MYH13: variants seen among roughly 807,000 people sequenced by gnomAD.
MYH13 encodes the protein myosin heavy chain 13.
MYH13 carries 177 observed loss-of-function variants against 232.1 expected under a neutral mutation model. The ratio of observed to expected loss-of-function variants is 0.76; its 90% CI spans 0.67 to 0.86. MYH13 has a LOEUF of 0.86. Ranked by LOEUF, MYH13 falls within the 40% of genes least tolerant of loss-of-function variation. The pLI is 0.00. For synonymous variants in MYH13, 884 were observed against 923.5 expected, an observed-to-expected ratio of 0.96 and a Z score of 0.78; for missense variants, 2,246 against 2,405.9, an observed-to-expected ratio of 0.93 and a Z score of 1.39.
At chr17:10,357,653 TTA>T in intron 8 of MYH13, 80 bp downstream of exon 8, 1 of 1,293,714 alleles carries the variant, frequency 7.7e-7, no homozygotes, top group Non-Finnish European at 1.1e-6. Context: ...ATATTCCAGT[TTA>T]TGGGGCAGTT....
chr17:10,316,011 T>C lies in MYH13; in HGVS notation c.3753A>G (p.Arg1251=). The C allele has an allele frequency of 6.2e-7, 1 of 1,614,058 alleles. No homozygotes were observed. Among genetic ancestry groups the C allele is most frequent in the Non-Finnish European group, 8.5e-7 (1 of 1,179,896 alleles). The part of the protein sequence containing the change: ...ALSKSKSNIE[R]TCRTVEDQFS... ...ATTGATCTTCTACCGTCCGGCACGT[T>C]CTTTCTATGTTACTCTTTAACAAAC... The change falls in exon 28 of 41, where the codon AGA becomes AGG. Residue 1251 remains arginine, a synonymous_variant. Transcript: ENST00000252172.
At chr17:10,316,392 C>T (rs185621266) in intron 27 of MYH13, among the ~76,000 whole-genome samples, 2 of 151,874 alleles carry the variant, frequency 1.3e-5, no homozygotes, top group East Asian at 1.9e-4. Flanking sequence ...ACTCGGGAGG[C>T]GGAGGTTGCA....
intron 16 of MYH13, among the ~76,000 whole-genome samples, chr17:10,343,052 T>G (rs921201665): frequency 7.0e-6 from 1 of 142,634 alleles, no homozygotes; most frequent in Admixed American, 7.3e-5. Context: ...ATTGCACCAC[T>G]GCACTCCAGC....
intron 16 of MYH13, among the ~76,000 whole-genome samples, chr17:10,342,883 G>T (rs2071628906): frequency 1.3e-5 from 2 of 152,022 alleles, no homozygotes. Context: ...AAGGTCAGGA[G>T]ATCGAGACCA....
At position 10,333,204 on chromosome 17, in the gene MYH13, C is replaced by A. The variant is rs189029121; in HGVS notation, c.2057-13G>T. The A allele has an allele frequency of 8.5e-6, 13 of 1,524,448 alleles. No individual in the cohort carries two copies. Among genetic ancestry groups the A allele is most frequent in the East Asian group, 2.5e-5 (1 of 40,736 alleles). The allele number at this position is 1,524,448 out of a possible 1,614,324, so 94.4% of individuals were successfully genotyped here. ...TGGTCCATCACACCTGGAGAGAGAA[C>A]GTCCCGGGGGTGTGCCTGTGACCCC... On this transcript the variant is annotated splice_polypyrimidine_tract_variant and intron_variant, in intron 18 of 40. Transcript: ENST00000252172.
In MYH13 at chr17:10,326,460, T is replaced by C. The variant is rs567397486; in HGVS notation, c.2691+1406A>G. Among the ~76,000 whole-genome samples the C allele has an allele frequency of 7.9e-5, 12 of 151,432 alleles. No homozygotes were observed. In the South Asian group the frequency reaches 2.5e-3, roughly 32 times the overall value. ...TATACTGCCCCATTTCTTTTCTTTT[T>C]CTTTCTTTCTTTCTTTTTTCTTTTT... On this transcript the variant is annotated intron_variant, in intron 22 of 40. Coordinates refer to ENST00000252172, the MANE Select transcript of MYH13 (RefSeq NM_003802.3).
Position 10,350,637 on chromosome 17 carries a change from T to C in MYH13, c.1063A>G (p.Thr355Ala). 2 of 1,613,680 alleles carry C rather than the reference T, an allele frequency of 1.2e-6. No homozygotes were observed. The highest frequency in any genetic ancestry group is 1.1e-5 in the South Asian group (1 of 91,052). The change falls in exon 12 of 41, where the codon ACG becomes GCG. Residue 355 changes from threonine to alanine, a missense_variant. By Grantham distance (58) the Thr-to-Ala change is moderately conservative. Transcript: ENST00000252172. ...TTCCCATAATGCATCACGGCTCCCG[T>C]CAGTTTGTAGATCCCGACTTTCTCC... ...SEEKVGIYKL[T>A]GAVMHYGNMK...
chr17:10,347,406 GACA>G (rs2071674344), intron 12 of MYH13, among the ~76,000 whole-genome samples: 1 of 152,078 alleles, frequency 6.6e-6, no homozygotes, highest in East Asian at 1.9e-4. Flanking sequence ...GTTGGAGTCT[GACA>G]ATACGTTAAA....
intron 22 of MYH13, among the ~76,000 whole-genome samples, chr17:10,326,616 G>A (rs538210200): frequency 9.3e-5 from 14 of 149,912 alleles, no homozygotes; most frequent in South Asian, 8.5e-4. Context: ...CACTACCAGC[G>A]TGTGCCACCA....
At chr17:10,324,913 T>C in intron 22 of MYH13, 1 of 152,392 alleles carries the variant, frequency 6.6e-6, no homozygotes, top group Non-Finnish European at 1.5e-5. Flanking sequence ...ATCCTCACAC[T>C]CCTGTGCTCA....
Position 10,327,982 on chromosome 17 carries a change from C to T in MYH13, c.2575G>A (p.Asp859Asn). 1 of 1,613,998 alleles carries T rather than the reference C, an allele frequency of 6.2e-7. No homozygotes were observed. The highest frequency in any genetic ancestry group is 8.5e-7 in the Non-Finnish European group (1 of 1,179,968). ...AEKEMATMKE[D>N]FERTKEELAR... ...AGTTCTTCCTTGGTCCTCTCAAAGT[C>T]TTCCTTCATGGTGGCCATCTCCTTC... Residue 859 changes from aspartate to asparagine, a missense_variant, in exon 22 of 41, where the codon GAC becomes AAC. Asp to Asn is a conservative substitution (Grantham distance 23). Transcript: ENST00000252172.
intron 2 of MYH13, among the ~76,000 whole-genome samples, chr17:10,365,581 C>G (rs1401406119): frequency 6.6e-6 from 1 of 152,196 alleles, no homozygotes; most frequent in Non-Finnish European, 1.5e-5. Flanking sequence ...TAGTGCCTTC[C>G]TGTTCCCAGG....
intron 11 of MYH13, among the ~76,000 whole-genome samples, chr17:10,352,625 G>A (rs935357069): frequency 6.6e-6 from 1 of 151,926 alleles, no homozygotes; most frequent in African/African-American, 2.4e-5. Flanking sequence ...AAAAGGCTCC[G>A]TGAGAGGAAG....
intron 33 of MYH13, among the ~76,000 whole-genome samples, chr17:10,310,412 C>T (rs1048326563): frequency 1.3e-5 from 2 of 152,036 alleles, no homozygotes; most frequent in Non-Finnish European, 1.5e-5. Flanking sequence ...TATTCTTATA[C>T]CCATTTTATA....
chr17:10,307,089 G>A, intron 35 of MYH13, 25 bp from the exon 36 acceptor site: 1 of 1,611,844 alleles, frequency 6.2e-7, no homozygotes. Context: ...AGATATCAGG[G>A]GTGTGGGTTC....
Position 10,340,147 on chromosome 17 carries a change from C to T in MYH13, c.2056+3G>A, listed in dbSNP as rs1209027810. On this transcript the variant is annotated splice_donor_region_variant and intron_variant, in intron 18 of 40. Coordinates refer to ENST00000252172, the MANE Select transcript of MYH13 (RefSeq NM_003802.3). ...ATACTTGGCAAGATCTGCTGGTACTCACCAGGAGTCTTGGTCTCATTGGGA... is the reference window on the plus strand; with the variant it reads ...ATACTTGGCAAGATCTGCTGGTACTTACCAGGAGTCTTGGTCTCATTGGGA... 1.2e-6 allele frequency: 2 copies of T among 1,611,864 alleles called. No individual in the cohort carries two copies. The highest frequency in any genetic ancestry group is 2.2e-5 in the East Asian group (1 of 44,890).
intron 2 of MYH13, among the ~76,000 whole-genome samples, chr17:10,368,859 C>G (rs993098469): frequency 2.6e-4 from 39 of 152,108 alleles, no homozygotes; most frequent in African/African-American, 8.7e-4. Context: ...GCATGATACC[C>G]AAAAGTGTTG....
intron 26 of MYH13, among the ~76,000 whole-genome samples, chr17:10,319,661 T>C (rs1906861397): frequency 6.6e-6 from 1 of 152,166 alleles, no homozygotes; most frequent in Admixed American, 6.5e-5. Context: ...TCCACGTCTA[T>C]CATGGATAGC....
chr17:10,315,843 T>C, intron 28 of MYH13, 32 bp from the exon 29 acceptor site: 2 of 1,613,920 alleles, frequency 1.2e-6, no homozygotes, highest in Non-Finnish European at 1.7e-6. Flanking sequence ...CACGTCAGTG[T>C]TACTGACCAC....
Sources: allele counts gnomAD v4.1 joint callset (sites outside exome capture counted in the v4.1 genomes callset), GRCh38; gene constraint gnomAD v4.1.1; transcripts MANE v1.5; gene names NCBI Gene and HGNC (gene_info 2026-07-23, HGNC 2026-07-21).